Variants in KCNIP1 observed in about 807,000 individuals in gnomAD.
KCNIP1 encodes potassium voltage-gated channel interacting protein 1.
A neutral mutation model predicts 33.0 loss-of-function variants in KCNIP1; 18 were observed. The observed-to-expected ratio is 0.55, with a 90% CI of 0.38 to 0.81. The LOEUF (loss-of-function observed/expected upper bound fraction) is 0.81, where lower values mean the gene tolerates loss of function less well. Among genes scored for constraint, KCNIP1 ranks in the 30% least tolerant of loss-of-function variants. The pLI is 0.00. For synonymous variants in KCNIP1, 93 were observed against 98.3 expected (o/e 0.95, Z 0.32); for missense variants, 238 against 271.6 (o/e 0.88, Z 0.87).
At chr5:170,356,781 G>A (rs747516541) in intron 1 of KCNIP1, among the ~76,000 whole-genome samples, 3 of 152,166 alleles carry the variant, frequency 2.0e-5, no homozygotes, top group Non-Finnish European at 2.9e-5. Flanking sequence ...GGCACCGCAC[G>A]GCACAGACAC....
chr5:170,695,517 A>G (rs1269163019), intron 1 of KCNIP1, among the ~76,000 whole-genome samples: 5 of 152,248 alleles, frequency 3.3e-5, no homozygotes, highest in Admixed American at 3.3e-4. Flanking sequence ...TTTGCACTGT[A>G]TATTCATCCG....
At chr5:170,384,390 G>A (rs1291744685) in intron 1 of KCNIP1, among the ~76,000 whole-genome samples, 2 of 152,248 alleles carry the variant, frequency 1.3e-5, no homozygotes, top group African/African-American at 4.8e-5. Context: ...AGGAGCAGAT[G>A]TAGAAGGGGT....
At chr5:170,424,728 G>A (rs557790049) in intron 1 of KCNIP1, among the ~76,000 whole-genome samples, 4 of 152,172 alleles carry the variant, frequency 2.6e-5, no homozygotes, top group Non-Finnish European at 4.4e-5. Context: ...TAGCCTGAGC[G>A]ATCTTTTAAA....
chr5:170,412,113 T>A (rs1379992914), intron 1 of KCNIP1, among the ~76,000 whole-genome samples: 1 of 152,210 alleles, frequency 6.6e-6, no homozygotes, highest in Non-Finnish European at 1.5e-5. Flanking sequence ...GGTTGAGAGA[T>A]GAGGCATAAC....
chr5:170,650,421 C>G (rs1435756716), intron 1 of KCNIP1, among the ~76,000 whole-genome samples: 1 of 152,084 alleles, frequency 6.6e-6, no homozygotes, highest in Non-Finnish European at 1.5e-5. Context: ...TCTAAATCAG[C>G]CACGCAGTAT....
chr5:170,610,895 C>T (rs1229977121), intron 1 of KCNIP1, among the ~76,000 whole-genome samples: 4 of 152,206 alleles, frequency 2.6e-5, no homozygotes, highest in Non-Finnish European at 4.4e-5. Context: ...ATATTCCAAA[C>T]TTACTGAGTA....
At chr5:170,682,672 C>G (rs1762389243) in intron 1 of KCNIP1, among the ~76,000 whole-genome samples, 1 of 152,130 alleles carries the variant, frequency 6.6e-6, no homozygotes, top group African/African-American at 2.4e-5. Context: ...CTGAGCAGAG[C>G]CCCTGTTCTC....
intron 1 of KCNIP1, among the ~76,000 whole-genome samples, chr5:170,426,759 A>G (rs1031295588): frequency 6.6e-6 from 1 of 152,260 alleles, no homozygotes; most frequent in East Asian, 1.9e-4. Flanking sequence ...GCCAAGAAAG[A>G]ACTTCTGGGA....
chr5:170,665,052 C>G (rs1561750936), intron 1 of KCNIP1, among the ~76,000 whole-genome samples: 1 of 152,152 alleles, frequency 6.6e-6, no homozygotes, highest in Non-Finnish European at 1.5e-5. Flanking sequence ...GAGTAATTAA[C>G]CTAATACACA....
chr5:170,703,287 C>T (rs7700434), intron 1 of KCNIP1, among the ~76,000 whole-genome samples: 28,137 of 136,818 alleles, frequency 0.21, 6,739 homozygotes, highest in African/African-American at 0.35. Context: ...GGTATATAAA[C>T]GAGTGATGAT....
intron 5 of KCNIP1, among the ~76,000 whole-genome samples, chr5:170,725,720 C>A (rs1763983411): frequency 6.6e-6 from 1 of 152,096 alleles, no homozygotes; most frequent in African/African-American, 2.4e-5. Context: ...ACCCATTTTT[C>A]ATGATGTGGT....
At chr5:170,552,517 A>G (rs1020125665) in intron 1 of KCNIP1, among the ~76,000 whole-genome samples, 5 of 152,116 alleles carry the variant, frequency 3.3e-5, no homozygotes, top group African/African-American at 1.2e-4. Flanking sequence ...ATCCTTGAAG[A>G]CTGTCTAAGG....
At chr5:170,714,926 A>G (rs1475208800) in intron 1 of KCNIP1, among the ~76,000 whole-genome samples, 1 of 152,192 alleles carries the variant, frequency 6.6e-6, no homozygotes, top group Non-Finnish European at 1.5e-5. Flanking sequence ...CCCTAAGCAT[A>G]AAGTATGTAT....
chr5:170,579,389 T>C (rs531638329), intron 1 of KCNIP1, among the ~76,000 whole-genome samples: 6 of 152,312 alleles, frequency 3.9e-5, no homozygotes, highest in African/African-American at 1.4e-4. Flanking sequence ...AGGTGATCTA[T>C]GTACGACACT....
chr5:170,522,046 C>T (rs1755382348), intron 1 of KCNIP1, among the ~76,000 whole-genome samples: 1 of 152,326 alleles, frequency 6.6e-6, no homozygotes, highest in Middle Eastern at 3.4e-3. Flanking sequence ...ATGGAGATCA[C>T]AGCCAGGCCT....
At chr5:170,492,755 CTATT>C (rs75367874) in intron 1 of KCNIP1, among the ~76,000 whole-genome samples, 2 of 150,344 alleles carry the variant, frequency 1.3e-5, no homozygotes, top group Non-Finnish European at 3.0e-5. Context: ...AAATATCTAT[CTATT>C]TATTTATTTA....
At chr5:170,574,862 C>T (rs181309784) in intron 1 of KCNIP1, among the ~76,000 whole-genome samples, 1 of 152,318 alleles carries the variant, frequency 6.6e-6, no homozygotes, top group East Asian at 1.9e-4. Context: ...CCCTGGAGAA[C>T]ACCCGTGCAG....
At chr5:170,716,068 C>T (rs879853806) in intron 1 of KCNIP1, among the ~76,000 whole-genome samples, 6 of 152,162 alleles carry the variant, frequency 3.9e-5, no homozygotes, top group Admixed American at 6.5e-5. Context: ...GTGTCTACAG[C>T]GGCCAGCACC....
At chr5:170,530,484 G>A (rs143625128) in intron 1 of KCNIP1, among the ~76,000 whole-genome samples, 102 of 152,268 alleles carry the variant, frequency 6.7e-4, no homozygotes, top group African/African-American at 2.3e-3. Flanking sequence ...TGCAAGGATG[G>A]GGCCCTCTGG....
Sources: allele counts gnomAD v4.1 joint callset (sites outside exome capture counted in the v4.1 genomes callset), GRCh38; gene constraint gnomAD v4.1.1; transcripts MANE v1.5; gene names NCBI Gene and HGNC (gene_info 2026-07-23, HGNC 2026-07-21).